Variants in BRD4 observed in about 807,000 individuals in gnomAD.
BRD4 encodes bromodomain-containing protein 4.
Under a neutral mutation model 142.1 loss-of-function variants are expected in BRD4, and 16 were observed. The ratio of observed to expected loss-of-function variants is 0.11; its 90% CI spans 0.08 to 0.17. The LOEUF (loss-of-function observed/expected upper bound fraction) is 0.17, where lower values mean the gene tolerates loss of function less well. Ranked by LOEUF, BRD4 falls within the 10% of genes least tolerant of loss-of-function variation. The probability of loss-of-function intolerance (pLI) is 1.00; values close to 1 mark genes in which losing one functional copy is unlikely to be tolerated. For missense variants in BRD4, 1,424 were observed against 1,810.9 expected (o/e 0.79, Z 3.88); for synonymous variants, 833 against 707.5 (o/e 1.18, Z -2.82).
chr19:15,253,202 T>C lies in BRD4; in HGVS notation c.2158+950A>G, dbSNP rs565240419. On this transcript the variant is annotated intron_variant, in intron 11 of 19. Transcript: ENST00000679869. ...CTGCACCAGCCTAGCGGCAACCCCG[T>C]TGGCCGTAAACACAGGATGTTAGCT... The C allele has an allele frequency of 5.1e-4, 178 of 346,810 alleles. 3 individuals are homozygous for C. In the South Asian group the frequency reaches 8.7e-3, roughly 17 times the overall value. The allele number at this position is 346,810 out of a possible 1,614,324, so 21.5% of individuals were successfully genotyped here.
In BRD4 at chr19:15,238,718, G is replaced by A; in HGVS notation, c.4020+25C>T. The A allele has an allele frequency of 6.7e-7, 1 of 1,488,788 alleles. No individual in the cohort carries two copies. The highest frequency in any genetic ancestry group is 8.9e-7 in the Non-Finnish European group (1 of 1,118,458). The allele number at this position is 1,488,788 out of a possible 1,614,324, so 92.2% of individuals were successfully genotyped here. On this transcript the variant is annotated intron_variant, in intron 19 of 19. Transcript: ENST00000679869. This position sits in a 1 kb window ranked among gnomAD's most constrained non-coding sequence, Gnocchi z 7.2. ...CTCAGGAGCTAATCCTTAGACCAGG[G>A]TCCCCACCAGGCCTCCAGACTCACG...
chr19:15,288,248 G>C (rs2047754938), intron 1 of BRD4, among the ~76,000 whole-genome samples: 2 of 152,122 alleles, frequency 1.3e-5, no homozygotes, highest in African/African-American at 4.8e-5. Context: ...CTTAAGAAAT[G>C]TTTGCTGAAG....
Position 15,238,019 on chromosome 19 carries a change from G to A in BRD4, c.*358C>T, listed in dbSNP as rs200527661. The A allele has an allele frequency of 3.6e-5, 9 of 249,220 alleles. No homozygotes were observed. Among genetic ancestry groups the A allele is most frequent in the Admixed American group, 1.6e-4 (3 of 18,360 alleles). The allele number at this position is 249,220 out of a possible 1,614,324, so 15.4% of individuals were successfully genotyped here. On this transcript the variant is annotated 3_prime_UTR_variant, in exon 20 of 20. Transcript: ENST00000679869. This position sits in a 1 kb window ranked among gnomAD's most constrained non-coding sequence, Gnocchi z 7.2. ...TTCTTGGGGACAGAAAACCAGTCAC[G>A]GCGGCAGCAACGATGTCCTGTGTAT...
intron 11 of BRD4, among the ~76,000 whole-genome samples, chr19:15,250,903 C>T (rs962206369): frequency 2.0e-5 from 3 of 152,234 alleles, no homozygotes; most frequent in Non-Finnish European, 4.4e-5. Flanking sequence ...GCCTGCTCCA[C>T]CCAGGTCTGC....
intron 1 of BRD4, among the ~76,000 whole-genome samples, chr19:15,319,994 T>C (rs1240284453): frequency 2.0e-5 from 3 of 152,134 alleles, no homozygotes; most frequent in Non-Finnish European, 4.4e-5. Context: ...CGTAATAAAT[T>C]TTTCTTCCAC....
intron 1 of BRD4, among the ~76,000 whole-genome samples, chr19:15,315,678 G>A (rs775198257): frequency 1.3e-5 from 2 of 151,988 alleles, no homozygotes; most frequent in African/African-American, 2.4e-5. Flanking sequence ...ATATAGTGAA[G>A]CCTCATCTCC....
intron 11 of BRD4, chr19:15,244,989 C>A: frequency 1.3e-6 from 1 of 768,810 alleles, no homozygotes; most frequent in Non-Finnish European, 2.0e-6. Context: ...GGGACTGTGC[C>A]TGAAAAAGCC....
chr19:15,290,517 C>A (rs937944119), intron 1 of BRD4, among the ~76,000 whole-genome samples: 7 of 152,044 alleles, frequency 4.6e-5, no homozygotes, highest in Admixed American at 3.9e-4. Context: ...CTCAAACCAC[C>A]CCTTTAATAA....
rs116137012 is a variant in BRD4 at position 15,290,854 on chromosome 19, A to G, written c.-34-17721T>C. Among the ~76,000 whole-genome samples, 439 of 152,336 alleles carry G rather than the reference A, an allele frequency of 2.9e-3. 1 individual carries two copies. Among genetic ancestry groups the G allele is most frequent in the African/African-American group, 0.01 (432 of 41,566 alleles). ...TTTTGCTATCTCTAGGGGATGATAT[A>G]CAGGCTATTATAAATTTGATTTCAA... On this transcript the variant is annotated intron_variant, in intron 1 of 19. Coordinates refer to ENST00000679869, the MANE Select transcript of BRD4 (RefSeq NM_001379291.1).
At position 15,283,014 on chromosome 19, in the gene BRD4, A is replaced by G. The variant is rs1160706121; in HGVS notation, c.-34-9881T>C. Among the ~76,000 whole-genome samples the G allele has an allele frequency of 2.0e-5, 3 of 152,230 alleles. 1 individual carries two copies. Among genetic ancestry groups the G allele is most frequent in the South Asian group, 4.1e-4 (2 of 4,834 alleles). The stretch of plus-strand genomic sequence containing the variant: ...ATTAAATTATGAAACGCAATGTGAC[A>G]TGACTGTGAATTTATGGATTAAAAC... On this transcript the variant is annotated intron_variant, in intron 1 of 19. Transcript: ENST00000679869.
At position 15,238,753 on chromosome 19, in the gene BRD4, C is replaced by T. The variant is rs773613733; in HGVS notation, c.4010G>A (p.Arg1337His). 3.9e-6 allele frequency: 6 copies of T among 1,547,260 alleles called. No individual in the cohort carries two copies. The highest frequency in any genetic ancestry group is 2.3e-4 in the Middle Eastern group (1 of 4,362). Reference protein sequence around the residue: ...LARKREQERRRREAMAATIDM... With the variant: ...LARKREQERRHREAMAATIDM... ...GGCCTCCAGACTCACGGCTTCCCGG[C>T]GTCTTCGCTCCTGCTCCCGCTTCCG... The change falls in exon 19 of 20, where the codon CGC (arginine) becomes CAC (histidine). Residue 1337 changes from arginine (R) to histidine (H), a missense_variant. This residue lies in a region of BRD4 where 14 missense variants were observed against 49.5 expected (regional missense o/e 0.28). Transcript: ENST00000679869. This position sits in a 1 kb window ranked among gnomAD's most constrained non-coding sequence, Gnocchi z 7.2.
At chr19:15,330,954 G>A (rs980450899) in intron 1 of BRD4, among the ~76,000 whole-genome samples, 1 of 152,092 alleles carries the variant, frequency 6.6e-6, no homozygotes, top group Non-Finnish European at 1.5e-5. Flanking sequence ...AAGAGCCACT[G>A]GCTTACGAGG....
At chr19:15,252,408 G>A (rs954477661) in intron 11 of BRD4, among the ~76,000 whole-genome samples, 1 of 152,262 alleles carries the variant, frequency 6.6e-6, no homozygotes, top group Non-Finnish European at 1.5e-5. Flanking sequence ...CCTGGTAGGA[G>A]AAGTCAACTA....
intron 1 of BRD4, among the ~76,000 whole-genome samples, chr19:15,277,904 A>G (rs912590896): frequency 1.3e-5 from 2 of 151,766 alleles, no homozygotes; most frequent in African/African-American, 4.8e-5. Context: ...CAGGAGACCG[A>G]GACCATCCTG....
rs1486476298 is a variant in BRD4 at position 15,247,899 on chromosome 19, G to A, written c.2159-3137C>T. On this transcript the variant is annotated intron_variant, in intron 11 of 19. Coordinates refer to ENST00000679869, the MANE Select transcript of BRD4 (RefSeq NM_001379291.1). The stretch of plus-strand genomic sequence containing the variant: ...GCCCCGGGAGGCCCTGGTGAGGCCA[G>A]GGCTAGCCCCTGCTTCCACAGCAAA... 1.1e-4 allele frequency: 24 copies of A among 228,006 alleles called. No homozygotes were observed. In the Admixed American group the frequency reaches 1.1e-3, roughly 10 times the overall value. 14.1% of individuals were successfully genotyped at this position (228,006 alleles called of 1,614,324 possible).
chr19:15,249,335 A>T, intron 11 of BRD4: 1 of 1,613,796 alleles, frequency 6.2e-7, no homozygotes. Context: ...AATGGTGTGG[A>T]ATGTACCATT....
intron 1 of BRD4, among the ~76,000 whole-genome samples, chr19:15,324,044 G>A (rs561469723): frequency 6.6e-6 from 1 of 152,286 alleles, no homozygotes; most frequent in Non-Finnish European, 1.5e-5. Context: ...AAGGCCAGAA[G>A]GGGGTGGGGC....
chr19:15,281,514 A>C (rs907525227), intron 1 of BRD4, among the ~76,000 whole-genome samples: 1 of 152,230 alleles, frequency 6.6e-6, no homozygotes, highest in Non-Finnish European at 1.5e-5. Flanking sequence ...TTAAACTAGT[A>C]GCACTGAAAA....
intron 1 of BRD4, among the ~76,000 whole-genome samples, chr19:15,278,115 A>T (rs1394601061): frequency 1.2e-3 from 153 of 133,010 alleles, no homozygotes; most frequent in African/African-American, 4.4e-3. Context: ...CAAAAAAAAA[A>T]AAAAAAAAAA....
Sources: allele counts gnomAD v4.1 joint callset (sites outside exome capture counted in the v4.1 genomes callset), GRCh38; gene constraint gnomAD v4.1.1; regional missense constraint gnomAD v4.1.1; non-coding constraint Gnocchi (gnomAD v3.1); transcripts MANE v1.5; gene names NCBI Gene and HGNC (gene_info 2026-07-23, HGNC 2026-07-21).